DCAF5: variants seen among roughly 807,000 people sequenced by gnomAD.
DCAF5 encodes the protein DDB1 and CUL4 associated factor 5.
Under a neutral mutation model 80.7 loss-of-function variants are expected in DCAF5, and 9 were observed. The ratio of observed to expected loss-of-function variants is 0.11; its 90% CI spans 0.07 to 0.19. The LOEUF (loss-of-function observed/expected upper bound fraction) is 0.19, where lower values mean the gene tolerates loss of function less well. Among genes scored for constraint, DCAF5 ranks in the 10% least tolerant of loss-of-function variants. The pLI, the probability that DCAF5 is intolerant of heterozygous loss-of-function variation, is 1.00. For missense variants in DCAF5, 842 were observed against 1,205.7 expected, an observed-to-expected ratio of 0.70 and a Z score of 4.47; for synonymous variants, 433 against 461.9, an observed-to-expected ratio of 0.94 and a Z score of 0.80.
chr14:69,056,364 C>G (rs1349701421), intron 8 of DCAF5, among the ~76,000 whole-genome samples: 1 of 152,142 alleles, frequency 6.6e-6, no homozygotes, highest in East Asian at 1.9e-4. Context: ...CTCATAATAC[C>G]CCTCCACTCC....
chr14:69,085,378 T>C (rs1023155145), intron 6 of DCAF5: 2 of 602,490 alleles, frequency 3.3e-6, no homozygotes, highest in African/African-American at 3.8e-5. Context: ...CCGCAGGCAG[T>C]TCTCTCACTG....
chr14:69,057,646 T>TA (rs1189429958), intron 8 of DCAF5, among the ~76,000 whole-genome samples: 1 of 152,210 alleles, frequency 6.6e-6, no homozygotes, highest in African/African-American at 2.4e-5. Context: ...TGGAATGTAT[T>TA]AAGCTGAGGT....
intron 7 of DCAF5, among the ~76,000 whole-genome samples, chr14:69,063,924 A>G (rs1274576316): frequency 6.6e-6 from 1 of 152,222 alleles, no homozygotes; most frequent in African/African-American, 2.4e-5. Flanking sequence ...ATTGTCCAGA[A>G]TGGAAAATAT....
intron 7 of DCAF5, among the ~76,000 whole-genome samples, chr14:69,067,584 A>G (rs1001061731): frequency 6.6e-6 from 1 of 151,158 alleles, no homozygotes; most frequent in Non-Finnish European, 1.5e-5. Flanking sequence ...GGCTCAAACA[A>G]TCCTCCTGCC....
chr14:69,066,997 T>G (rs964425078), intron 7 of DCAF5, among the ~76,000 whole-genome samples: 1 of 152,254 alleles, frequency 6.6e-6, no homozygotes, highest in African/African-American at 2.4e-5. Context: ...GCTGGGACAC[T>G]GTCCTCAATA....
chr14:69,068,277 T>C (rs1234925227), intron 7 of DCAF5, among the ~76,000 whole-genome samples: 3 of 152,182 alleles, frequency 2.0e-5, no homozygotes. Context: ...AGTGAACAAA[T>C]TGAAGTTAAA....
chr14:69,102,418 A>G (rs2039986743), intron 5 of DCAF5, among the ~76,000 whole-genome samples: 1 of 151,986 alleles, frequency 6.6e-6, no homozygotes, highest in Non-Finnish European at 1.5e-5. Context: ...TTAGTTTACT[A>G]TAACTTTTTT....
Position 69,055,240 on chromosome 14 carries a change from G to A in DCAF5, c.1446C>T (p.His482=). The stretch of plus-strand genomic sequence containing the variant: ...TGGTGGTGACCCGCAGGGGCCCCAG[G>A]TGGAAGGCGTTGTCGGCAGACTCAT... The part of the protein sequence containing the change: ...TVDESADNAF[H]LGPLRVTTTN... The change falls in exon 9 of 9, where the codon CAC becomes CAT. Residue 482 remains histidine, a synonymous_variant. Transcript: ENST00000341516. The surrounding 1 kb of genome is among the most constrained non-coding windows in gnomAD (Gnocchi z 5.6). 1 of 1,614,244 alleles carries A rather than the reference G, an allele frequency of 6.2e-7. No homozygotes were observed. The highest frequency in any genetic ancestry group is 8.5e-7 in the Non-Finnish European group (1 of 1,180,038).
chr14:69,149,852 C>T (rs1302096305), intron 1 of DCAF5, among the ~76,000 whole-genome samples: 1 of 152,200 alleles, frequency 6.6e-6, no homozygotes, highest in African/African-American at 2.4e-5. Context: ...TGCTCCCCCA[C>T]TCAGGTGTTG....
At chr14:69,110,417 C>T (rs2040318875) in intron 5 of DCAF5, among the ~76,000 whole-genome samples, 1 of 151,610 alleles carries the variant, frequency 6.6e-6, no homozygotes, top group Admixed American at 6.6e-5. Context: ...AGGCACACAA[C>T]ACCACGCCCC....
At chr14:69,092,339 G>A (rs968091076) in intron 5 of DCAF5, among the ~76,000 whole-genome samples, 3 of 152,112 alleles carry the variant, frequency 2.0e-5, no homozygotes, top group African/African-American at 7.2e-5. Context: ...ACAATAGGCC[G>A]GGTGCAGTGG....
intron 6 of DCAF5, among the ~76,000 whole-genome samples, chr14:69,086,689 T>A (rs1179560733): frequency 6.6e-6 from 1 of 151,420 alleles, no homozygotes; most frequent in African/African-American, 2.4e-5. Flanking sequence ...TACTTACTAC[T>A]GCATTCCATA....
At chr14:69,084,267 A>G in intron 6 of DCAF5, 1 of 983,478 alleles carries the variant, frequency 1.0e-6, no homozygotes, top group Admixed American at 1.7e-5. Flanking sequence ...GAAGCACAGA[A>G]ACTTGCTAAT....
At chr14:69,126,096 A>G (rs2140080468) in intron 1 of DCAF5, among the ~76,000 whole-genome samples, 1 of 152,124 alleles carries the variant, frequency 6.6e-6, no homozygotes, top group East Asian at 1.9e-4. Flanking sequence ...GATCTACATA[A>G]GAAAAATTAT....
chr14:69,106,226 T>C (rs759123697), intron 5 of DCAF5, among the ~76,000 whole-genome samples: 10 of 151,542 alleles, frequency 6.6e-5, no homozygotes, highest in Non-Finnish European at 1.5e-4. Context: ...CCGGCTAATT[T>C]TGTATTTTTA....
In DCAF5 at chr14:69,152,985, ACCGCCG is replaced by A; in HGVS notation, c.-13_-8del. The A allele has an allele frequency of 4.5e-6, 7 of 1,544,102 alleles. No individual in the cohort carries two copies. The highest frequency in any genetic ancestry group is 6.1e-6 in the Non-Finnish European group (7 of 1,149,784). On this transcript the variant is annotated 5_prime_UTR_variant, in exon 1 of 9. Transcript: ENST00000341516. This position sits in a 1 kb window ranked among gnomAD's most constrained non-coding sequence, Gnocchi z 4.1. ...GGCCAGCTCTCCTCTTCATGCTGGA[ACCGCCG>A]CCGCCGCCGCTCGCGCCGCCGCCCC...
chr14:69,123,372 C>T (rs2040783196), intron 1 of DCAF5, among the ~76,000 whole-genome samples: 1 of 151,986 alleles, frequency 6.6e-6, no homozygotes. Flanking sequence ...CTTATACTCG[C>T]ATATCTATGC....
Position 69,054,198 on chromosome 14 carries a change from C to T in DCAF5, c.2488G>A (p.Ala830Thr). The T allele has an allele frequency of 6.2e-7, 1 of 1,614,246 alleles. No individual in the cohort carries two copies. Among genetic ancestry groups the T allele is most frequent in the South Asian group, 1.1e-5 (1 of 91,084 alleles). Residue 830 changes from alanine (A) to threonine (T), a missense_variant, in exon 9 of 9, where the codon GCC becomes ACC. By Grantham distance (58) the Ala-to-Thr change is moderately conservative (BLOSUM62 0). Around this residue, in one of 5 missense-constraint regions of DCAF5, gnomAD observed 607 missense variants for 656.6 expected, o/e 0.92. Coordinates refer to ENST00000341516, the MANE Select transcript of DCAF5 (RefSeq NM_003861.3). ...TGTAAGCGTCCATTGTTGTGGTTGGCACAGATGGTTTCGAGGCTCCTCTCC... is the reference window on the plus strand; with the variant it reads ...TGTAAGCGTCCATTGTTGTGGTTGGTACAGATGGTTTCGAGGCTCCTCTCC... The part of the protein sequence containing the change: ...SEERSLETIC[A>T]NHNNGRLHPR...
intron 5 of DCAF5, among the ~76,000 whole-genome samples, chr14:69,105,312 T>C (rs1476229485): frequency 6.6e-6 from 1 of 152,210 alleles, no homozygotes; most frequent in Non-Finnish European, 1.5e-5. Context: ...TAATAGAATA[T>C]TATTTAGCCA....
Sources: gnomAD v4.1 joint callset for allele counts (sites outside exome capture counted in the v4.1 genomes callset) on GRCh38, gnomAD v4.1.1 for gene constraint, gnomAD v4.1.1 regional missense constraint, Gnocchi (gnomAD v3.1) non-coding constraint, MANE v1.5 for transcripts, NCBI Gene and HGNC (gene_info 2026-07-23, HGNC 2026-07-21) for gene names.